The following FAR2 variants were observed in gnomAD, a reference collection of about 807,000 sequenced individuals.
FAR2 encodes the protein fatty acyl-CoA reductase 2, also known as epididymis secretory protein Li 81.
A neutral mutation model predicts 56.0 loss-of-function variants in FAR2; 19 were observed. The ratio of observed to expected loss-of-function variants is 0.34; its 90% CI spans 0.24 to 0.50. FAR2 has a LOEUF of 0.50. Among genes scored for constraint, FAR2 ranks in the 20% least tolerant of loss-of-function variants. FAR2 has a pLI of 0.98. For missense variants in FAR2, 508 were observed against 642.2 expected (o/e 0.79, Z 2.26); for synonymous variants, 219 against 218.8 (o/e 1.00, Z -0.01).
intron 1 of FAR2, among the ~76,000 whole-genome samples, chr12:29,178,982 C>T (rs998631946): frequency 2.0e-5 from 3 of 151,472 alleles, no homozygotes; most frequent in Non-Finnish European, 2.9e-5. Context: ...CTGTTCCTGG[C>T]CTCTCTCTCT....
At chr12:29,191,107 A>G (rs1291750264) in intron 1 of FAR2, among the ~76,000 whole-genome samples, 1 of 152,208 alleles carries the variant, frequency 6.6e-6, no homozygotes, top group Non-Finnish European at 1.5e-5. Context: ...GAAGAGCACT[A>G]CAGTGCTTTC....
At chr12:29,287,832 T>A (rs2136740139) in intron 2 of FAR2, among the ~76,000 whole-genome samples, 1 of 152,312 alleles carries the variant, frequency 6.6e-6, no homozygotes, top group African/African-American at 2.4e-5. Flanking sequence ...TGTGGCTAAC[T>A]AGTTCATTGT....
In FAR2 at chr12:29,297,089, T is replaced by C. The variant is rs1949084977; in HGVS notation, c.434T>C (p.Leu145Pro). The C allele has an allele frequency of 6.2e-7, 1 of 1,613,652 alleles. No individual in the cohort carries two copies. Among genetic ancestry groups the C allele is most frequent in the Admixed American group, 1.7e-5 (1 of 59,980 alleles). The stretch of plus-strand genomic sequence containing the variant: ...CTTATGGCTAGTCAGATGCCAAAGC[T>C]GGAAGCCTTTATACATATCTCTACT... ...LLLMASQMPK[L>P]EAFIHISTAY... The change falls in exon 4 of 12, where the codon CTG becomes CCG. Residue 145 changes from leucine to proline, a missense_variant. Leu to Pro is a moderately conservative substitution (Grantham distance 98, BLOSUM62 -3). Coordinates refer to ENST00000536681, the MANE Select transcript of FAR2 (RefSeq NM_001271783.2).
intron 1 of FAR2, among the ~76,000 whole-genome samples, chr12:29,225,925 T>C (rs1381042505): frequency 6.6e-6 from 1 of 152,172 alleles, no homozygotes; most frequent in African/African-American, 2.4e-5. Context: ...GCCAGAAATA[T>C]CTTACTAGTT....
rs1170805721 is a variant in FAR2, at chr12:29,184,333, TG to T, written c.-39+34927del. ...TTAAATACCACTCAGAGTTCAAGAC[TG>T]TACTTCTTTTGAATTACTTCCACTC... On this transcript the variant is annotated intron_variant, in intron 1 of 11. Transcript: ENST00000536681. Among the ~76,000 whole-genome samples, 5 of 151,804 alleles carry T rather than the reference TG, an allele frequency of 3.3e-5. No individual in the cohort carries two copies. The East Asian group carries it at 9.7e-4, about 29-fold the overall frequency.
At chr12:29,210,417 C>T (rs1263437864) in intron 1 of FAR2, among the ~76,000 whole-genome samples, 6 of 152,160 alleles carry the variant, frequency 3.9e-5, no homozygotes, top group Non-Finnish European at 5.9e-5. Flanking sequence ...CTTTGTGCCA[C>T]CTCACACCAG....
chr12:29,177,209 A>T (rs1389406766), intron 1 of FAR2, among the ~76,000 whole-genome samples: 2 of 152,210 alleles, frequency 1.3e-5, no homozygotes, highest in African/African-American at 4.8e-5. Flanking sequence ...ACAAACACCC[A>T]GATTTTCAGA....
intron 1 of FAR2, among the ~76,000 whole-genome samples, chr12:29,259,326 T>C (rs1181817869): frequency 6.6e-6 from 1 of 152,158 alleles, no homozygotes; most frequent in Non-Finnish European, 1.5e-5. Flanking sequence ...CAACAGAGAA[T>C]GATCTGGCCC....
At chr12:29,291,003 G>A (rs1214549822) in intron 2 of FAR2, among the ~76,000 whole-genome samples, 1 of 152,132 alleles carries the variant, frequency 6.6e-6, no homozygotes, top group Non-Finnish European at 1.5e-5. Context: ...TAATTGGATT[G>A]CTTGTAACTC....
chr12:29,286,981 C>A (rs761637863), intron 2 of FAR2, among the ~76,000 whole-genome samples: 1 of 151,954 alleles, frequency 6.6e-6, no homozygotes, highest in Non-Finnish European at 1.5e-5. Flanking sequence ...ACACAATGAC[C>A]CAGAGAGGTA....
intron 1 of FAR2, among the ~76,000 whole-genome samples, chr12:29,254,753 A>C (rs984238516): frequency 1.3e-5 from 2 of 152,130 alleles, no homozygotes; most frequent in Non-Finnish European, 2.9e-5. Context: ...GGAGTTCGAG[A>C]CTAGCGTGGC....
intron 2 of FAR2, among the ~76,000 whole-genome samples, chr12:29,278,836 A>G (rs964890725): frequency 1.3e-5 from 2 of 152,198 alleles, no homozygotes; most frequent in African/African-American, 4.8e-5. Flanking sequence ...ACTGGAAGAC[A>G]TTTGCTAGAC....
chr12:29,301,453 G>A (rs1263919231), intron 4 of FAR2, among the ~76,000 whole-genome samples: 1 of 152,184 alleles, frequency 6.6e-6, no homozygotes, highest in East Asian at 1.9e-4. Context: ...AACAGCTTAT[G>A]TAGAATGTTT....
chr12:29,232,569 T>G (rs1947875499), intron 1 of FAR2, among the ~76,000 whole-genome samples: 1 of 152,100 alleles, frequency 6.6e-6, no homozygotes, highest in South Asian at 2.1e-4. Context: ...TTGTTCATTG[T>G]TTTTCATTGT....
chr12:29,268,905 G>A (rs1010572454), intron 1 of FAR2, among the ~76,000 whole-genome samples: 2 of 152,178 alleles, frequency 1.3e-5, no homozygotes, highest in Non-Finnish European at 2.9e-5. Flanking sequence ...GGGAGGGAGT[G>A]TGCAAATAGG....
At chr12:29,278,668 CA>C (rs1948738678) in intron 2 of FAR2, among the ~76,000 whole-genome samples, 1 of 151,970 alleles carries the variant, frequency 6.6e-6, no homozygotes, top group African/African-American at 2.4e-5. Flanking sequence ...CTTTTAACAA[CA>C]AAAAAGTACT....
At chr12:29,237,116 C>T (rs1287987875) in intron 1 of FAR2, among the ~76,000 whole-genome samples, 1 of 152,052 alleles carries the variant, frequency 6.6e-6, no homozygotes, top group Non-Finnish European at 1.5e-5. Flanking sequence ...ATGAGTTCTA[C>T]ACCCAAACTG....
intron 1 of FAR2, among the ~76,000 whole-genome samples, chr12:29,265,636 T>C (rs1948502175): frequency 6.6e-6 from 1 of 150,416 alleles, no homozygotes; most frequent in Non-Finnish European, 1.5e-5. Flanking sequence ...TCTTGAGTAA[T>C]ACCCACAAAC....
At chr12:29,258,880 A>G (rs1227688991) in intron 1 of FAR2, among the ~76,000 whole-genome samples, 2 of 152,230 alleles carry the variant, frequency 1.3e-5, no homozygotes, top group African/African-American at 2.4e-5. Context: ...AGACACTGAA[A>G]AAAACTTGGT....
Sources: allele counts gnomAD v4.1 joint callset (sites outside exome capture counted in the v4.1 genomes callset), GRCh38; gene constraint gnomAD v4.1.1; transcripts MANE v1.5; gene names NCBI Gene and HGNC (gene_info 2026-07-23, HGNC 2026-07-21).